The following SREK1IP1 variants were observed in gnomAD, a reference collection of about 807,000 sequenced individuals.
SREK1IP1 encodes the protein SREK1 interacting protein 1.
In SREK1IP1, 12 loss-of-function variants were observed where a neutral mutation model predicts 22.8. The observed-to-expected ratio is 0.53, with a 90% CI of 0.34 to 0.85. SREK1IP1 has a LOEUF of 0.85. Among genes scored for constraint, SREK1IP1 ranks in the 40% least tolerant of loss-of-function variants. The pLI, the probability that SREK1IP1 is intolerant of heterozygous loss-of-function variation, is 0.02. For synonymous variants in SREK1IP1, 53 were observed against 52.7 expected (o/e 1.01, Z -0.02); for missense variants, 147 against 171.8 (o/e 0.86, Z 0.81).
intron 3 of SREK1IP1, among the ~76,000 whole-genome samples, chr5:64,730,086 A>C (rs1742350616): frequency 6.6e-6 from 1 of 152,192 alleles, no homozygotes; most frequent in Non-Finnish European, 1.5e-5. Flanking sequence ...AGGAACTCCA[A>C]CATTTACGGG....
At chr5:64,731,801 A>C (rs1436693913) in intron 3 of SREK1IP1, among the ~76,000 whole-genome samples, 1 of 152,178 alleles carries the variant, frequency 6.6e-6, no homozygotes, top group Non-Finnish European at 1.5e-5. Flanking sequence ...ATTAAGAAGG[A>C]AAGCAGTCTT....
In SREK1IP1 at chr5:64,719,204, A is replaced by C. The variant is rs1372356687; in HGVS notation, c.*5180T>G. 6.6e-6 allele frequency: 1 copy of C among 152,142 alleles called. No individual in the cohort carries two copies. Among genetic ancestry groups the C allele is most frequent in the East Asian group, 1.9e-4 (1 of 5,200 alleles). 9.4% of individuals were successfully genotyped at this position (152,142 alleles called of 1,614,324 possible). A position where few individuals can be genotyped will look rare whatever the true frequency, so the allele number is the denominator to read the frequency against. ...TGGCTAATGCAACTGAAAAAATAAAATTTTTCATTTATTTAATTAATTTAA... is the reference window on the plus strand; with the variant it reads ...TGGCTAATGCAACTGAAAAAATAAACTTTTTCATTTATTTAATTAATTTAA... On this transcript the variant is annotated 3_prime_UTR_variant, in exon 5 of 5. Transcript: ENST00000513458.
At chr5:64,730,702 G>A (rs946583459) in intron 3 of SREK1IP1, among the ~76,000 whole-genome samples, 6 of 152,096 alleles carry the variant, frequency 3.9e-5, no homozygotes, top group Admixed American at 3.9e-4. Context: ...AAGGAGGAAG[G>A]GAGAAGTGGG....
intron 3 of SREK1IP1, 104 bp from the exon 4 acceptor site, chr5:64,728,283 T>C: frequency 9.5e-7 from 1 of 1,051,356 alleles, no homozygotes; most frequent in Non-Finnish European, 1.2e-6. Context: ...TGAATTTCAC[T>C]GGTTAGGATA....
At chr5:64,752,327 AT>A (rs1742761336) in intron 2 of SREK1IP1, among the ~76,000 whole-genome samples, 1 of 151,398 alleles carries the variant, frequency 6.6e-6, no homozygotes, top group Non-Finnish European at 1.5e-5. Flanking sequence ...AATTTTTTGT[AT>A]TTTTAGTAGA....
intron 3 of SREK1IP1, among the ~76,000 whole-genome samples, chr5:64,731,764 A>G (rs1561384264): frequency 6.6e-6 from 1 of 151,824 alleles, no homozygotes; most frequent in African/African-American, 2.4e-5. Flanking sequence ...AAGGAAAAAA[A>G]TAATGGCCAG....
In SREK1IP1 at chr5:64,752,144, G is replaced by GTTTTTTTTTTTTTTT. The variant is rs755420855; in HGVS notation, c.61+2170_61+2171insAAAAAAAAAAAAAAA. On this transcript the variant is annotated intron_variant, in intron 2 of 4. Coordinates refer to ENST00000513458, the MANE Select transcript of SREK1IP1 (RefSeq NM_173829.4). The stretch of plus-strand genomic sequence containing the variant: ...CTCTTTTTCTGTGAATTTTTTTTGT[G>GTTTTTTTTTTTTTTT]TGTTTTTTTTTTTTTTTTTTTTTTT... 1.2e-4 allele frequency among the ~76,000 whole-genome samples: 10 copies of GTTTTTTTTTTTTTTT among 85,476 alleles called. 2 individuals carry two copies. Among genetic ancestry groups the GTTTTTTTTTTTTTTT allele is most frequent in the African/African-American group, 2.6e-4 (5 of 18,932 alleles). 56.1% of individuals were successfully genotyped at this position (85,476 alleles called of 152,430 possible). A position where few individuals can be genotyped will look rare whatever the true frequency, so the allele number is the denominator to read the frequency against.
intron 1 of SREK1IP1, among the ~76,000 whole-genome samples, chr5:64,755,862 T>C (rs1048663069): frequency 6.6e-6 from 1 of 151,772 alleles, no homozygotes; most frequent in African/African-American, 2.4e-5. Flanking sequence ...TACACACACA[T>C]ACATACATTA....
At position 64,728,193 on chromosome 5, in the gene SREK1IP1, G is replaced by A; in HGVS notation, c.206-14C>T. The A allele has an allele frequency of 7.3e-7, 1 of 1,370,236 alleles. No homozygotes were observed. Among genetic ancestry groups the A allele is most frequent in the South Asian group, 1.9e-5 (1 of 52,500 alleles). The allele number at this position is 1,370,236 out of a possible 1,614,324, so 84.9% of individuals were successfully genotyped here. On this transcript the variant is annotated splice_polypyrimidine_tract_variant and intron_variant, in intron 3 of 4. Coordinates refer to ENST00000513458, the MANE Select transcript of SREK1IP1 (RefSeq NM_173829.4). ...CTTCATTTATTCCTGTGGGGGAGAG[G>A]TGAGAAGAAAAAAATCTGGTTAATA...
chr5:64,726,518 G>C (rs1178235786), intron 4 of SREK1IP1, among the ~76,000 whole-genome samples: 4 of 150,726 alleles, frequency 2.7e-5, no homozygotes, highest in Non-Finnish European at 5.9e-5. Context: ...GGAGCTTGAA[G>C]TGAGCTGAGA....
chr5:64,735,410 T>C (rs1742445874), intron 3 of SREK1IP1, among the ~76,000 whole-genome samples: 7 of 152,086 alleles, frequency 4.6e-5, no homozygotes, highest in Admixed American at 4.6e-4. Context: ...TGAGAAATAC[T>C]CTCCTCCCTT....
chr5:64,736,549 C>T (rs1742465193), intron 3 of SREK1IP1, among the ~76,000 whole-genome samples: 1 of 151,524 alleles, frequency 6.6e-6, no homozygotes, highest in African/African-American at 2.4e-5. Context: ...GCAACCTCTG[C>T]CTCCCGGGTT....
rs1021615710 is a variant in SREK1IP1 at position 64,723,589 on chromosome 5, T to C, written c.*795A>G. ...GGTATCACTGTAAGACATGCCAATA[T>C]GGCACATTTGTAAAACAACCCAGGA... On this transcript the variant is annotated 3_prime_UTR_variant, in exon 5 of 5. Transcript: ENST00000513458. 5.9e-5 allele frequency: 9 copies of C among 152,660 alleles called. No individual in the cohort carries two copies. Among genetic ancestry groups the C allele is most frequent in the African/African-American group, 1.9e-4 (8 of 41,468 alleles). 9.5% of individuals were successfully genotyped at this position (152,660 alleles called of 1,614,324 possible). A position where few individuals can be genotyped will look rare whatever the true frequency, so the allele number is the denominator to read the frequency against.
chr5:64,753,010 C>T (rs1349844015), intron 2 of SREK1IP1, among the ~76,000 whole-genome samples: 4 of 152,122 alleles, frequency 2.6e-5, no homozygotes, highest in Non-Finnish European at 5.9e-5. Context: ...ATTGACAAAA[C>T]GATTTGCTGA....
At chr5:64,749,726 C>CCA (rs1185145341) in intron 2 of SREK1IP1, among the ~76,000 whole-genome samples, 1 of 152,178 alleles carries the variant, frequency 6.6e-6, no homozygotes, top group African/African-American at 2.4e-5. Flanking sequence ...CAGGCATGAG[C>CCA]CACTGCACCT....
intron 1 of SREK1IP1, among the ~76,000 whole-genome samples, chr5:64,767,192 A>G (rs761439887): frequency 7.9e-5 from 12 of 151,732 alleles, no homozygotes; most frequent in Non-Finnish European, 1.3e-4. Context: ...CCTTCAAGCC[A>G]CCCCTCCTAC....
intron 2 of SREK1IP1, among the ~76,000 whole-genome samples, chr5:64,749,012 G>C (rs1240242056): frequency 6.7e-6 from 1 of 150,214 alleles, no homozygotes; most frequent in East Asian, 2.0e-4. Context: ...ACTAATACAA[G>C]GACAAGTATA....
At chr5:64,747,387 G>C (rs1217050733) in intron 2 of SREK1IP1, among the ~76,000 whole-genome samples, 1 of 152,066 alleles carries the variant, frequency 6.6e-6, no homozygotes, top group South Asian at 2.1e-4. Flanking sequence ...ACTCAGGCAT[G>C]GTTGAAAGGG....
At chr5:64,728,660 A>G (rs1742318023) in intron 3 of SREK1IP1, among the ~76,000 whole-genome samples, 1 of 152,236 alleles carries the variant, frequency 6.6e-6, no homozygotes, top group Non-Finnish European at 1.5e-5. Flanking sequence ...ATAGTTGCAT[A>G]TAAGTTCCAA....
Sources: allele counts gnomAD v4.1 joint callset (sites outside exome capture counted in the v4.1 genomes callset), GRCh38; gene constraint gnomAD v4.1.1; transcripts MANE v1.5; gene names NCBI Gene and HGNC (gene_info 2026-07-23, HGNC 2026-07-21).